The following MACROD2 variants were observed in gnomAD, a reference collection of about 807,000 sequenced individuals.
The protein encoded by MACROD2 is ADP-ribose glycohydrolase MACROD2.
A neutral mutation model predicts 70.4 loss-of-function variants in MACROD2; 36 were observed. The ratio of observed to expected loss-of-function variants is 0.51; its 90% confidence interval spans 0.39 to 0.68. The LOEUF (loss-of-function observed/expected upper bound fraction) is 0.68, where lower values mean the gene tolerates loss of function less well. MACROD2 is among the 30% of genes least tolerant of loss of function. The pLI is 0.00. For missense variants in MACROD2, 496 were observed against 538.4 expected (o/e 0.92, Z 0.78); for synonymous variants, 172 against 178.8 (o/e 0.96, Z 0.30).
intron 3 of MACROD2, among the ~76,000 whole-genome samples, chr20:14,089,468 T>C (rs1206527332): frequency 3.3e-5 from 5 of 152,324 alleles, no homozygotes; most frequent in African/African-American, 1.2e-4. Flanking sequence ...CTCATGACCA[T>C]ATTAGTACAT....
intron 5 of MACROD2, among the ~76,000 whole-genome samples, chr20:15,162,364 G>A (rs1420744664): frequency 2.0e-5 from 3 of 151,936 alleles, no homozygotes; most frequent in Non-Finnish European, 2.9e-5. Flanking sequence ...ACAAAGATAC[G>A]TTTGAATCTG....
chr20:15,206,680 G>T (rs1206094369), intron 5 of MACROD2, among the ~76,000 whole-genome samples: 1 of 132,052 alleles, frequency 7.6e-6, no homozygotes, highest in Non-Finnish European at 1.6e-5. Flanking sequence ...TGTACTCTTT[G>T]TGTCTATTTT....
intron 3 of MACROD2, among the ~76,000 whole-genome samples, chr20:14,368,517 T>G (rs993482811): frequency 2.6e-4 from 40 of 151,536 alleles, no homozygotes; most frequent in Non-Finnish European, 1.8e-4. Flanking sequence ...CACTCTAGCC[T>G]GGGTGACAGA....
chr20:14,024,904 G>A (rs570069257), intron 2 of MACROD2, among the ~76,000 whole-genome samples: 2 of 152,178 alleles, frequency 1.3e-5, no homozygotes, highest in Admixed American at 6.5e-5. Context: ...GTTAGGGAGA[G>A]TCCCTCTTTT....
chr20:14,910,855 T>C (rs1406069952), intron 5 of MACROD2, among the ~76,000 whole-genome samples: 1 of 152,200 alleles, frequency 6.6e-6, no homozygotes, highest in Non-Finnish European at 1.5e-5. Context: ...ATTGATGCTG[T>C]TAATTCCCTA....
At chr20:15,884,853 C>T (rs778889677) in intron 9 of MACROD2, among the ~76,000 whole-genome samples, 5 of 152,032 alleles carry the variant, frequency 3.3e-5, no homozygotes, top group African/African-American at 4.8e-5. Flanking sequence ...CTGGCAGATT[C>T]GGTGTCTGGT....
At chr20:15,295,889 G>A (rs1800573570) in intron 6 of MACROD2, among the ~76,000 whole-genome samples, 1 of 152,036 alleles carries the variant, frequency 6.6e-6, no homozygotes, top group Admixed American at 6.6e-5. Context: ...GACTTATCAC[G>A]AGACCCTCGG....
intron 3 of MACROD2, among the ~76,000 whole-genome samples, chr20:14,108,070 A>G (rs559360775): frequency 1.3e-5 from 2 of 152,246 alleles, no homozygotes; most frequent in African/African-American, 4.8e-5. Flanking sequence ...CAAGATATAG[A>G]CAGTACAATA....
chr20:15,164,716 C>T (rs1419055424), intron 5 of MACROD2, among the ~76,000 whole-genome samples: 2 of 151,964 alleles, frequency 1.3e-5, no homozygotes, highest in African/African-American at 4.8e-5. Context: ...GGCAACATAG[C>T]AAGACCTTGT....
At chr20:15,027,910 G>C (rs568285796) in intron 5 of MACROD2, among the ~76,000 whole-genome samples, 1 of 152,108 alleles carries the variant, frequency 6.6e-6, no homozygotes, top group Admixed American at 6.5e-5. Flanking sequence ...AACATTTAAA[G>C]GTCTGGGTTT....
At chr20:14,747,226 A>G (rs1317548308) in intron 5 of MACROD2, among the ~76,000 whole-genome samples, 1 of 152,144 alleles carries the variant, frequency 6.6e-6, no homozygotes, top group East Asian at 1.9e-4. Flanking sequence ...TCCAACCTCA[A>G]AAGAAGCAAA....
chr20:15,090,206 C>CACAT (rs1555781613), intron 5 of MACROD2, among the ~76,000 whole-genome samples: 27 of 150,692 alleles, frequency 1.8e-4, no homozygotes, highest in Non-Finnish European at 3.5e-4. Flanking sequence ...GATAAATGTA[C>CACAT]ATATATATAT....
At chr20:14,105,479 C>T (rs2054356901) in intron 3 of MACROD2, among the ~76,000 whole-genome samples, 1 of 152,174 alleles carries the variant, frequency 6.6e-6, no homozygotes, top group Admixed American at 6.5e-5. Context: ...GGCGAATTGC[C>T]CATCCCAGTG....
At chr20:15,099,029 A>G (rs576992745) in intron 5 of MACROD2, among the ~76,000 whole-genome samples, 2 of 152,358 alleles carry the variant, frequency 1.3e-5, no homozygotes, top group Non-Finnish European at 2.9e-5. Flanking sequence ...ACCACAGAAT[A>G]TCCTGCCTGT....
At chr20:14,366,868 T>C (rs1167663045) in intron 3 of MACROD2, among the ~76,000 whole-genome samples, 1 of 152,148 alleles carries the variant, frequency 6.6e-6, no homozygotes, top group African/African-American at 2.4e-5. Flanking sequence ...CTCTAGCTTT[T>C]TGTTGGAGAG....
intron 3 of MACROD2, among the ~76,000 whole-genome samples, chr20:14,409,174 A>T (rs1357861635): frequency 3.2e-5 from 4 of 124,394 alleles, no homozygotes; most frequent in African/African-American, 3.2e-5. Flanking sequence ...TTCCAAACGT[A>T]TCCCCTAGTG....
At chr20:14,265,185 T>A (rs1348215732) in intron 3 of MACROD2, among the ~76,000 whole-genome samples, 1 of 152,228 alleles carries the variant, frequency 6.6e-6, no homozygotes, top group Non-Finnish European at 1.5e-5. Flanking sequence ...TGGGTTATCA[T>A]TATTCACTAC....
chr20:15,417,295 A>G (rs1344078058), intron 6 of MACROD2, among the ~76,000 whole-genome samples: 2 of 152,056 alleles, frequency 1.3e-5, no homozygotes, highest in African/African-American at 2.4e-5. Context: ...AATGGTTCGT[A>G]AAGTGTGGTC....
At chr20:15,278,318 ACTTC>A (rs1247368970) in intron 6 of MACROD2, among the ~76,000 whole-genome samples, 2 of 152,190 alleles carry the variant, frequency 1.3e-5, no homozygotes, top group African/African-American at 4.8e-5. Context: ...ACCTAACCCA[ACTTC>A]AGGGGGAGAT....
Sources: gnomAD v4.1 joint callset for allele counts (sites outside exome capture counted in the v4.1 genomes callset) on GRCh38, gnomAD v4.1.1 for gene constraint, MANE v1.5 for transcripts, NCBI Gene and HGNC (gene_info 2026-07-23, HGNC 2026-07-21) for gene names.